Variants in BAIAP2L1 observed in about 807,000 individuals in gnomAD.
BAIAP2L1 encodes the protein BAR/IMD domain containing adaptor protein 2 like 1, also known as BAR/IMD domain-containing adapter protein 2-like 1.
A neutral mutation model predicts 66.3 loss-of-function variants in BAIAP2L1; 35 were observed. The ratio of observed to expected loss-of-function variants is 0.53; its 90% CI spans 0.40 to 0.70. BAIAP2L1 has a LOEUF of 0.70. Ranked by LOEUF, BAIAP2L1 falls within the 30% of genes least tolerant of loss-of-function variation. The pLI, the probability that BAIAP2L1 is intolerant of heterozygous loss-of-function variation, is 0.00. For missense variants in BAIAP2L1, 622 were observed against 656.9 expected, an observed-to-expected ratio of 0.95 and a Z score of 0.58; for synonymous variants, 269 against 248.7, an observed-to-expected ratio of 1.08 and a Z score of -0.77.
rs550174757 is a variant in BAIAP2L1, at chr7:98,381,834, C to CA, written c.51+18967dup. 1.6e-4 allele frequency among the ~76,000 whole-genome samples: 24 copies of CA among 152,028 alleles called. No individual in the cohort carries two copies. In the East Asian group the frequency reaches 3.7e-3, roughly 23 times the overall value. ...TGAGGTAAGAAAGAAGGATGTCCTA[C>CA]AACTGTTCACATCTTCTGGACAAAA... is the stretch of plus-strand genomic sequence containing the variant. On this transcript the variant is annotated intron_variant, in intron 1 of 13. Transcript: ENST00000005260.
chr7:98,321,007 C>T (rs1183307318), intron 3 of BAIAP2L1, among the ~76,000 whole-genome samples: 2 of 152,112 alleles, frequency 1.3e-5, no homozygotes, highest in Non-Finnish European at 2.9e-5. Context: ...CAGGCGTGCA[C>T]CACCACACTC....
At chr7:98,377,773 C>T (rs1267754711) in intron 1 of BAIAP2L1, among the ~76,000 whole-genome samples, 1 of 136,948 alleles carries the variant, frequency 7.3e-6, no homozygotes, top group East Asian at 2.2e-4. Context: ...GAGCCAGTAT[C>T]TCACCACTGA....
intron 3 of BAIAP2L1, among the ~76,000 whole-genome samples, chr7:98,341,399 C>G (rs1801738269): frequency 6.6e-6 from 1 of 152,098 alleles, no homozygotes; most frequent in Admixed American, 6.6e-5. Context: ...TAGAAAAGCA[C>G]AGTCCAGGTG....
At chr7:98,331,962 A>G (rs925676766) in intron 3 of BAIAP2L1, among the ~76,000 whole-genome samples, 1 of 152,216 alleles carries the variant, frequency 6.6e-6, no homozygotes, top group Non-Finnish European at 1.5e-5. Context: ...AAGAAGAGAT[A>G]AAGACATTCT....
At chr7:98,361,804 C>T (rs778296647) in intron 2 of BAIAP2L1, among the ~76,000 whole-genome samples, 1 of 152,178 alleles carries the variant, frequency 6.6e-6, no homozygotes, top group Non-Finnish European at 1.5e-5. Flanking sequence ...GGCACTATCA[C>T]AGCTCATTAC....
At chr7:98,368,043 T>C (rs1802427893) in intron 1 of BAIAP2L1, among the ~76,000 whole-genome samples, 1 of 152,198 alleles carries the variant, frequency 6.6e-6, no homozygotes, top group South Asian at 2.1e-4. Flanking sequence ...CACTTAATAA[T>C]CATGCCCTCC....
intron 1 of BAIAP2L1, among the ~76,000 whole-genome samples, chr7:98,373,660 TG>T (rs1237934241): frequency 6.6e-6 from 1 of 152,206 alleles, no homozygotes; most frequent in Non-Finnish European, 1.5e-5. Flanking sequence ...CTTAACATTA[TG>T]GAGTGCTTAT....
At chr7:98,320,943 A>G (rs1005353543) in intron 3 of BAIAP2L1, among the ~76,000 whole-genome samples, 34 of 152,048 alleles carry the variant, frequency 2.2e-4, no homozygotes, top group African/African-American at 8.0e-4. Flanking sequence ...TGCAGCCTCC[A>G]CCTCCTGGGT....
At chr7:98,319,810 C>T (rs1335700306) in intron 5 of BAIAP2L1, among the ~76,000 whole-genome samples, 3 of 152,156 alleles carry the variant, frequency 2.0e-5, no homozygotes, top group Non-Finnish European at 2.9e-5. Context: ...CTTGGCCTCC[C>T]AAAGTGCTGG....
intron 3 of BAIAP2L1, among the ~76,000 whole-genome samples, chr7:98,344,618 T>C (rs1354384448): frequency 6.6e-6 from 1 of 152,108 alleles, no homozygotes; most frequent in Non-Finnish European, 1.5e-5. Flanking sequence ...AAATTTTGCA[T>C]ATGTATATTA....
chr7:98,315,489 C>A lies in BAIAP2L1; in HGVS notation c.610G>T (p.Ala204Ser), dbSNP rs1321861377. ...AAGTGATAATAATGTATGTGGTTTG[C>A]AAAGCCACAGTGCTTATCAACCAGA... is the stretch of plus-strand genomic sequence containing the variant. Reference protein sequence around the residue: ...CFLVDKHCGFANHIHYYHLQS... With the variant: ...CFLVDKHCGFSNHIHYYHLQS... Residue 204 changes from alanine to serine, a missense_variant, in exon 7 of 14, where the codon GCA becomes TCA. Coordinates refer to ENST00000005260, the MANE Select transcript of BAIAP2L1 (RefSeq NM_018842.5). 3 of 1,503,310 alleles carry A rather than the reference C, an allele frequency of 2.0e-6. No homozygotes were observed. Among genetic ancestry groups the A allele is most frequent in the Admixed American group, 2.2e-5 (1 of 46,506 alleles). The allele number at this position is 1,503,310 out of a possible 1,614,324, so 93.1% of individuals were successfully genotyped here.
intron 3 of BAIAP2L1, among the ~76,000 whole-genome samples, chr7:98,335,767 C>G (rs1554416020): frequency 6.6e-6 from 1 of 152,172 alleles, no homozygotes; most frequent in Non-Finnish European, 1.5e-5. Flanking sequence ...GCAGATGCCC[C>G]TGAAGGACCA....
chr7:98,307,911 G>A lies in BAIAP2L1; in HGVS notation c.956-15C>T. 1.2e-6 allele frequency: 2 copies of A among 1,613,610 alleles called. No individual in the cohort carries two copies. The highest frequency in any genetic ancestry group is 1.7e-6 in the Non-Finnish European group (2 of 1,179,496). ...TTCGGAAGTACCTGTTGGAGGGAGTGTAGCAGTAATGGCTTTTCAAAGCAT... is the reference window on the plus strand; with the variant it reads ...TTCGGAAGTACCTGTTGGAGGGAGTATAGCAGTAATGGCTTTTCAAAGCAT... On this transcript the variant is annotated splice_polypyrimidine_tract_variant and intron_variant, in intron 9 of 13. Transcript: ENST00000005260.
chr7:98,325,744 A>G (rs1439600803), intron 3 of BAIAP2L1, among the ~76,000 whole-genome samples: 3 of 152,216 alleles, frequency 2.0e-5, no homozygotes, highest in Admixed American at 6.5e-5. Context: ...TTTTCTGACA[A>G]TTTTCCAAGT....
At chr7:98,390,151 G>A (rs1298965148) in intron 1 of BAIAP2L1, among the ~76,000 whole-genome samples, 2 of 151,592 alleles carry the variant, frequency 1.3e-5, no homozygotes, top group African/African-American at 2.4e-5. Context: ...TCCTGACCTC[G>A]TGATCTGCCC....
At position 98,357,872 on chromosome 7, in the gene BAIAP2L1, C is replaced by T. The variant is rs371575127; in HGVS notation, c.128-2744G>A. On this transcript the variant is annotated intron_variant, in intron 2 of 13. Coordinates refer to ENST00000005260, the MANE Select transcript of BAIAP2L1 (RefSeq NM_018842.5). ...AATGTTGAGTCAGCGGGAAGGCACA[C>T]AGCTCTGGCTGGGCACTTCACTTCC... is the stretch of plus-strand genomic sequence containing the variant. 1.2e-3 allele frequency among the ~76,000 whole-genome samples: 185 copies of T among 152,280 alleles called. 1 individual carries two copies. Among genetic ancestry groups the T allele is most frequent in the African/African-American group, 4.1e-3 (172 of 41,556 alleles).
intron 1 of BAIAP2L1, among the ~76,000 whole-genome samples, chr7:98,364,128 G>A (rs1299369704): frequency 1.3e-5 from 2 of 151,888 alleles, no homozygotes; most frequent in African/African-American, 2.4e-5. Context: ...CCTTTCCAAT[G>A]GACTTTCTAT....
chr7:98,302,623 A>T (rs1316478376), intron 12 of BAIAP2L1, among the ~76,000 whole-genome samples: 1 of 152,096 alleles, frequency 6.6e-6, no homozygotes, highest in Non-Finnish European at 1.5e-5. Flanking sequence ...CAAAATCCAG[A>T]TGGGGGACAC....
intron 3 of BAIAP2L1, among the ~76,000 whole-genome samples, chr7:98,324,258 G>A (rs1801324304): frequency 6.6e-6 from 1 of 152,180 alleles, no homozygotes; most frequent in African/African-American, 2.4e-5. Context: ...TCAAAAGCAG[G>A]AACTCAACAT....
Sources: gnomAD v4.1 joint callset for allele counts (sites outside exome capture counted in the v4.1 genomes callset) on GRCh38, gnomAD v4.1.1 for gene constraint, MANE v1.5 for transcripts, NCBI Gene and HGNC (gene_info 2026-07-23, HGNC 2026-07-21) for gene names.